GPR107: variants seen among roughly 807,000 people sequenced by gnomAD.
The protein encoded by GPR107 is G protein-coupled receptor 107.
GPR107 carries 31 observed loss-of-function variants against 75.5 expected under a neutral mutation model. That is an observed-to-expected ratio of 0.41 (90% CI 0.31 to 0.55). GPR107 has a LOEUF of 0.55. Among genes scored for constraint, GPR107 ranks in the 20% least tolerant of loss-of-function variants. The probability of loss-of-function intolerance (pLI) is 0.26; values close to 1 mark genes in which losing one functional copy is unlikely to be tolerated. For synonymous variants in GPR107, 267 were observed against 251.3 expected (o/e 1.06, Z -0.59); for missense variants, 572 against 665.7 (o/e 0.86, Z 1.55).
At chr9:130,075,534 C>T (rs957280664) in intron 1 of GPR107, 102 bp from the exon 2 acceptor site, 2 of 647,570 alleles carry the variant, frequency 3.1e-6, no homozygotes, top group African/African-American at 1.8e-5. Flanking sequence ...GCTTGAGCCA[C>T]CGTGCCCAGC....
At chr9:130,114,380 T>G (rs1831375635) in intron 14 of GPR107, among the ~76,000 whole-genome samples, 2 of 151,748 alleles carry the variant, frequency 1.3e-5, no homozygotes, top group Admixed American at 6.6e-5. Context: ...AAAAAATATA[T>G]ACATATATTA....
chr9:130,076,096 T>TAAAA (rs1303861506), intron 2 of GPR107, among the ~76,000 whole-genome samples: 1 of 152,158 alleles, frequency 6.6e-6, no homozygotes, highest in Non-Finnish European at 1.5e-5. Context: ...TTTACTCTTT[T>TAAAA]AGCTTAGGTG....
At chr9:130,123,745 T>G (rs1212957968) in intron 14 of GPR107, among the ~76,000 whole-genome samples, 1 of 151,986 alleles carries the variant, frequency 6.6e-6, no homozygotes, top group Non-Finnish European at 1.5e-5. Flanking sequence ...TCCTCCCATC[T>G]TGGCTTCCCA....
chr9:130,122,242 G>T lies in GPR107; in HGVS notation c.1307-2673G>T, dbSNP rs1340243737. ...TATCATTTAAACTGTCTAATTGTTGGTGCTGTGAAGAATCGAGTGTTCATG... is the reference window on the plus strand; with the variant it reads ...TATCATTTAAACTGTCTAATTGTTGTTGCTGTGAAGAATCGAGTGTTCATG... On this transcript the variant is annotated intron_variant, in intron 14 of 17. Coordinates refer to ENST00000347136, the MANE Select transcript of GPR107 (RefSeq NM_020960.5). Among the ~76,000 whole-genome samples the T allele has an allele frequency of 2.6e-5, 4 of 152,250 alleles. No homozygotes were observed. The South Asian group carries it at 6.2e-4, about 24-fold the overall frequency.
At chr9:130,093,276 T>C (rs1589506234) in intron 9 of GPR107, among the ~76,000 whole-genome samples, 1 of 152,284 alleles carries the variant, frequency 6.6e-6, no homozygotes, top group Non-Finnish European at 1.5e-5. Context: ...CAGCTGCATA[T>C]GCGTGAATTC....
At chr9:130,054,503 C>T (rs947648419) in intron 1 of GPR107, among the ~76,000 whole-genome samples, 2 of 152,152 alleles carry the variant, frequency 1.3e-5, no homozygotes, top group Non-Finnish European at 2.9e-5. Flanking sequence ...TACTTGGAAC[C>T]TTAGCCTCAG....
intron 14 of GPR107, among the ~76,000 whole-genome samples, chr9:130,124,514 G>A (rs182562136): frequency 1.4e-4 from 21 of 152,350 alleles, no homozygotes; most frequent in Admixed American, 1.4e-3. Context: ...ACCAACCTGA[G>A]ACTAGTCCCA....
rs556603047 is a variant in GPR107, at chr9:130,089,328, C to G, written c.622-1548C>G. Among the ~76,000 whole-genome samples, 46 of 152,314 alleles carry G rather than the reference C, an allele frequency of 3.0e-4. 2 individuals are homozygous for G. In the South Asian group the frequency reaches 9.1e-3, roughly 30 times the overall value. ...GCAGCACGTGCTGAAACAGCCCATC[C>G]GCAGGGTTCTTGGGATGCGTGGAGC... On this transcript the variant is annotated intron_variant, in intron 7 of 17. Coordinates refer to ENST00000347136, the MANE Select transcript of GPR107 (RefSeq NM_020960.5).
chr9:130,096,131 A>T (rs1400194594), intron 9 of GPR107, among the ~76,000 whole-genome samples: 1 of 152,246 alleles, frequency 6.6e-6, no homozygotes, highest in African/African-American at 2.4e-5. Context: ...AGATATTCTA[A>T]CCATGGACTG....
intron 9 of GPR107, among the ~76,000 whole-genome samples, chr9:130,097,343 C>T (rs186883217): frequency 9.2e-5 from 14 of 151,850 alleles, no homozygotes; most frequent in East Asian, 3.9e-4. Flanking sequence ...TTAGTAGAGA[C>T]GGGTTTTCAC....
At chr9:130,119,149 C>T (rs1215985619) in intron 14 of GPR107, among the ~76,000 whole-genome samples, 1 of 152,174 alleles carries the variant, frequency 6.6e-6, no homozygotes, top group Non-Finnish European at 1.5e-5. Context: ...CCCCAGGCTG[C>T]GACCTGCTGC....
intron 6 of GPR107, 27 bp downstream of exon 6, chr9:130,083,629 C>T (rs186942547): frequency 3.4e-5 from 50 of 1,459,960 alleles, no homozygotes; most frequent in Admixed American, 7.9e-5. Flanking sequence ...CTTTTGTGCT[C>T]AGCTTTTCTG....
At chr9:130,119,268 C>A (rs4837467) in intron 14 of GPR107, among the ~76,000 whole-genome samples, 88,825 of 152,040 alleles carry the variant, frequency 0.58, 26,017 homozygotes, top group East Asian at 0.79. Flanking sequence ...TGCAGGAGAG[C>A]CCAGGCGCCC....
intron 9 of GPR107, among the ~76,000 whole-genome samples, chr9:130,095,450 A>G (rs1830841580): frequency 6.6e-6 from 1 of 152,044 alleles, no homozygotes; most frequent in South Asian, 2.1e-4. Flanking sequence ...GCTGGAGTGC[A>G]GTGGTGCAAT....
chr9:130,079,690 G>C lies in GPR107; in HGVS notation c.447G>C (p.Arg149Ser), dbSNP rs528524605. The change falls in exon 5 of 18, where the codon AGG becomes AGC. Residue 149 changes from arginine (R) to serine (S), a missense_variant. Arg to Ser is a moderately radical substitution (Grantham distance 110, BLOSUM62 -1). Coordinates refer to ENST00000347136, the MANE Select transcript of GPR107 (RefSeq NM_020960.5). ...AGTTACCAAAGATCATCTTCAGCAGGGATGAGAAAGTCCTTGGTCAGAGCC... is the reference window on the plus strand; with the variant it reads ...AGTTACCAAAGATCATCTTCAGCAGCGATGAGAAAGTCCTTGGTCAGAGCC... ...GTQLPKIIFS[R>S]DEKVLGQSQE... is the part of the protein sequence containing the mutation. 1 of 1,612,294 alleles carries C rather than the reference G, an allele frequency of 6.2e-7. No individual in the cohort carries two copies. Among genetic ancestry groups the C allele is most frequent in the African/African-American group, 1.3e-5 (1 of 75,008 alleles).
chr9:130,088,997 T>A (rs570846802), intron 7 of GPR107, among the ~76,000 whole-genome samples: 371 of 151,676 alleles, frequency 2.4e-3, no homozygotes, highest in Admixed American at 3.9e-3. Context: ...ACTAAAAAAA[T>A]AAATAAATAA....
chr9:130,069,945 C>A (rs600871), intron 1 of GPR107, among the ~76,000 whole-genome samples: 147,285 of 147,834 alleles, frequency 1, 73,372 homozygotes, highest in Middle Eastern at 1. Flanking sequence ...GGCCTCCCAT[C>A]GTGCTGAGAT....
At chr9:130,133,848 A>G (rs575614300) in intron 17 of GPR107, among the ~76,000 whole-genome samples, 68 of 152,314 alleles carry the variant, frequency 4.5e-4, no homozygotes, top group African/African-American at 1.6e-3. Flanking sequence ...TGGGCATGGT[A>G]GCACCATAAT....
intron 1 of GPR107, among the ~76,000 whole-genome samples, chr9:130,063,950 A>C (rs1829996691): frequency 6.6e-6 from 1 of 150,708 alleles, no homozygotes; most frequent in African/African-American, 2.4e-5. Context: ...GACTACAGGC[A>C]TGCGGCACCA....
Sources: allele counts gnomAD v4.1 joint callset (sites outside exome capture counted in the v4.1 genomes callset), GRCh38; gene constraint gnomAD v4.1.1; transcripts MANE v1.5; gene names NCBI Gene and HGNC (gene_info 2026-07-23, HGNC 2026-07-21).